Variants in ATPAF1 observed in about 807,000 individuals in gnomAD.
ATPAF1 encodes the protein ATP synthase mitochondrial F1 complex assembly factor 1, also known as homolog of yeast ATP11.
In ATPAF1, 26 loss-of-function variants were observed where a neutral mutation model predicts 43.9. That is an observed-to-expected ratio of 0.59 (90% CI 0.43 to 0.82). The LOEUF is 0.82. ATPAF1 is among the 40% of genes least tolerant of loss of function. The pLI is 0.00. For synonymous variants in ATPAF1, 157 were observed against 168.0 expected (o/e 0.93, Z 0.50); for missense variants, 366 against 435.0 (o/e 0.84, Z 1.41).
chr1:46,662,821 G>A (rs1425267844), intron 2 of ATPAF1, among the ~76,000 whole-genome samples: 3 of 152,076 alleles, frequency 2.0e-5, no homozygotes, highest in Non-Finnish European at 4.4e-5. Flanking sequence ...TAGGGTACAT[G>A]TACACAACGT....
rs1347598630 is a variant in ATPAF1 at position 46,665,565 on chromosome 1, AT to A, written c.267-202del. The A allele has an allele frequency of 2.4e-6, 3 of 1,228,992 alleles. No individual in the cohort carries two copies. In the African/African-American group the frequency reaches 4.6e-5, roughly 19 times the overall value. The allele number at this position is 1,228,992 out of a possible 1,614,324, so 76.1% of individuals were successfully genotyped here. A position where few individuals can be genotyped will look rare whatever the true frequency, so the allele number is the denominator to read the frequency against. Reference sequence around the variant, plus strand: ...AAATCCTGTTATTCAACTGTTGTTAATCCTCAAGGGGCCTGTGTAACATTTT... The same window carrying A: ...AAATCCTGTTATTCAACTGTTGTTAACCTCAAGGGGCCTGTGTAACATTTT... On this transcript the variant is annotated intron_variant, in intron 1 of 8. Transcript: ENST00000574428.
chr1:46,636,879 T>C (rs1259546283), intron 8 of ATPAF1, among the ~76,000 whole-genome samples: 1 of 152,160 alleles, frequency 6.6e-6, no homozygotes, highest in South Asian at 2.1e-4. Context: ...TGCAGCCCTA[T>C]GGAGAAACAC....
intron 6 of ATPAF1, among the ~76,000 whole-genome samples, chr1:46,651,210 T>C (rs542237800): frequency 6.8e-4 from 103 of 151,918 alleles, no homozygotes; most frequent in Non-Finnish European, 1.3e-3. Context: ...CCATGTGTTC[T>C]CATTGTTCGA....
At chr1:46,667,577 G>C (rs1480061570) in intron 1 of ATPAF1, among the ~76,000 whole-genome samples, 1 of 152,114 alleles carries the variant, frequency 6.6e-6, no homozygotes, top group Admixed American at 6.6e-5. Context: ...TGGGTGATCC[G>C]ACTGTGACAC....
intron 2 of ATPAF1, among the ~76,000 whole-genome samples, chr1:46,661,221 C>T (rs1042428605): frequency 4.6e-5 from 7 of 151,942 alleles, no homozygotes; most frequent in Non-Finnish European, 8.8e-5. Flanking sequence ...TACAGGCATG[C>T]GCCACCATGC....
chr1:46,633,850 A>T (rs916243337), downstream of ATPAF1: 2 of 456,134 alleles, frequency 4.4e-6, no homozygotes, highest in African/African-American at 2.0e-5. Flanking sequence ...AGCAAACATA[A>T]CTGGATACCA....
chr1:46,654,531 A>ATTTATT (rs112199735), intron 4 of ATPAF1, among the ~76,000 whole-genome samples: 5 of 130,748 alleles, frequency 3.8e-5, no homozygotes, highest in African/African-American at 1.3e-4. Flanking sequence ...TTATTTATTT[A>ATTTATT]TTATTATTAT....
intron 3 of ATPAF1, 113 bp downstream of exon 3, chr1:46,658,574 C>A: frequency 2.7e-6 from 2 of 745,022 alleles, no homozygotes; most frequent in South Asian, 2.1e-5. Flanking sequence ...GCTGGAAAAT[C>A]ACCTTACACA....
At chr1:46,662,587 C>T (rs1223145401) in intron 2 of ATPAF1, among the ~76,000 whole-genome samples, 9 of 151,990 alleles carry the variant, frequency 5.9e-5, no homozygotes. Context: ...CTACCACACC[C>T]AGCTAAGTTT....
intron 8 of ATPAF1, among the ~76,000 whole-genome samples, chr1:46,639,652 A>G (rs1194125175): frequency 6.6e-6 from 1 of 152,224 alleles, no homozygotes. Context: ...TACTATGCCT[A>G]AAGTGCACAA....
intron 2 of ATPAF1, among the ~76,000 whole-genome samples, chr1:46,662,148 C>A (rs918865925): frequency 1.3e-5 from 2 of 152,244 alleles, no homozygotes; most frequent in Middle Eastern, 3.4e-3. Flanking sequence ...CCCGCCTTGG[C>A]CTCCCAAAGT....
intron 3 of ATPAF1, 86 bp from the exon 4 acceptor site, chr1:46,658,275 A>C: frequency 9.5e-7 from 1 of 1,050,506 alleles, no homozygotes; most frequent in Non-Finnish European, 1.4e-6. Context: ...TGTGGCAAAC[A>C]TGTCAGGACA....
At chr1:46,654,158 T>C (rs1443649976) in intron 4 of ATPAF1, among the ~76,000 whole-genome samples, 1 of 151,926 alleles carries the variant, frequency 6.6e-6, no homozygotes, top group African/African-American at 2.4e-5. Context: ...AGACAACTTC[T>C]TTTTTTTCAC....
At chr1:46,649,384 A>G (rs539122997) in intron 6 of ATPAF1, among the ~76,000 whole-genome samples, 1 of 152,286 alleles carries the variant, frequency 6.6e-6, no homozygotes, top group African/African-American at 2.4e-5. Context: ...TGTTCCATTA[A>G]TCTACATGTC....
intron 6 of ATPAF1, among the ~76,000 whole-genome samples, chr1:46,648,304 T>C (rs973419765): frequency 1.3e-5 from 2 of 152,008 alleles, no homozygotes; most frequent in Non-Finnish European, 2.9e-5. Flanking sequence ...TAGAGATGGG[T>C]TTTCGCCATA....
chr1:46,667,768 G>C (rs990340278), intron 1 of ATPAF1, among the ~76,000 whole-genome samples: 2 of 152,186 alleles, frequency 1.3e-5, no homozygotes, highest in African/African-American at 2.4e-5. Context: ...ATGAGGACAG[G>C]TGTCTCTGAG....
chr1:46,661,149 T>C (rs1409147904), intron 2 of ATPAF1, among the ~76,000 whole-genome samples: 1 of 151,896 alleles, frequency 6.6e-6, no homozygotes, highest in Non-Finnish European at 1.5e-5. Context: ...CTCCGCTCAC[T>C]GCAACCTCCG....
intron 7 of ATPAF1, 57 bp from the exon 8 acceptor site, chr1:46,643,358 T>A: frequency 7.3e-7 from 1 of 1,375,594 alleles, no homozygotes; most frequent in Non-Finnish European, 1.0e-6. Context: ...CAAACTGCAA[T>A]TTCAAAGCAA....
In ATPAF1 at chr1:46,661,897, C is replaced by CT. The variant is rs931528859; in HGVS notation, c.376-3161dup. ...TTTTATCATAAAGCTAAATTTCTTT[C>CT]TTTTTTTTTTTTTTTAAGATGGAGT... On this transcript the variant is annotated intron_variant, in intron 2 of 8. Transcript: ENST00000574428. 1.8e-4 allele frequency among the ~76,000 whole-genome samples: 26 copies of CT among 147,634 alleles called. 1 individual carries two copies. The highest frequency in any genetic ancestry group is 1.1e-3 in the South Asian group (5 of 4,640).
Sources: gnomAD v4.1 joint callset for allele counts (sites outside exome capture counted in the v4.1 genomes callset) on GRCh38, gnomAD v4.1.1 for gene constraint, MANE v1.5 for transcripts, NCBI Gene and HGNC (gene_info 2026-07-23, HGNC 2026-07-21) for gene names.